FAM111A: variants seen among roughly 807,000 people sequenced by gnomAD.
FAM111A encodes serine protease FAM111A.
In FAM111A, 8 loss-of-function variants were observed where a neutral mutation model predicts 3.3. That is an observed-to-expected ratio of 2.39 (90% CI 1.40 to 4.32). FAM111A has a LOEUF of 4.32. FAM111A is among the 30% of genes most tolerant of loss of function. The probability of loss-of-function intolerance (pLI) is 0.00; values close to 1 mark genes in which losing one functional copy is unlikely to be tolerated. For synonymous variants in FAM111A, 227 were observed against 243.1 expected (o/e 0.93, Z 0.62); for missense variants, 683 against 727.6 (o/e 0.94, Z 0.71).
At chr11:59,151,307 C>T (rs993850998) in intron 5 of FAM111A, among the ~76,000 whole-genome samples, 2 of 152,146 alleles carry the variant, frequency 1.3e-5, no homozygotes, top group African/African-American at 4.8e-5. Flanking sequence ...TGTGCCACCA[C>T]ACCCAGCTAA....
chr11:59,146,061 A>G (rs909848607), intron 4 of FAM111A, among the ~76,000 whole-genome samples: 21 of 147,934 alleles, frequency 1.4e-4, no homozygotes, highest in African/African-American at 4.7e-4. Context: ...GTATATATAT[A>G]TTGTGTGTGT....
rs145826377 is a variant in FAM111A at position 59,152,599 on chromosome 11, A to G, written c.931A>G (p.Ile311Val). ...TTTGAAAAGAGAAAGTGAAAAAATC[A>G]TTGAAAACTTCAAGAAAAAAATGAA... ...PSLKRESEKI[I>V]ENFKKKMKVK... The change falls in exon 6 of 6, where the codon ATT (isoleucine) becomes GTT (valine). Residue 311 changes from isoleucine (I) to valine (V), a missense_variant. Around this residue, in one of 3 missense-constraint regions of FAM111A, gnomAD observed 557 missense variants for 600.2 expected, o/e 0.93. Coordinates refer to ENST00000675163, the MANE Select transcript of FAM111A (RefSeq NM_001312909.2). The G allele has an allele frequency of 2.5e-6, 4 of 1,613,876 alleles. No homozygotes were observed. The highest frequency in any genetic ancestry group is 2.7e-5 in the African/African-American group (2 of 74,922).
intron 4 of FAM111A, 42 bp from the exon 5 acceptor site, chr11:59,148,755 C>A: frequency 1.4e-6 from 1 of 697,566 alleles, no homozygotes; most frequent in Non-Finnish European, 2.5e-6. Context: ...AGATGGGACG[C>A]AGGACACCAG....
Position 59,151,867 on chromosome 11 carries a change from C to T in FAM111A, c.199C>T (p.Pro67Ser), listed in dbSNP as rs1861702860. The T allele has an allele frequency of 6.2e-7, 1 of 1,614,128 alleles. No individual in the cohort carries two copies. The highest frequency in any genetic ancestry group is 1.6e-4 in the Middle Eastern group (1 of 6,062). ...AQRFHSPKKN[P>S]EDQTMPQNRT... The stretch of plus-strand genomic sequence containing the variant: ...AAGATTCCATTCACCTAAGAAAAAT[C>T]CAGAAGACCAGACCATGCCCCAAAA... Residue 67 changes from proline to serine, a missense_variant, in exon 6 of 6, where the codon CCA (proline) becomes TCA (serine). Around this residue, in one of 3 missense-constraint regions of FAM111A, gnomAD observed 557 missense variants for 600.2 expected, o/e 0.93. Transcript: ENST00000675163.
At position 59,152,979 on chromosome 11, in the gene FAM111A, G is replaced by A; in HGVS notation, c.1311G>A (p.Glu437=). The A allele has an allele frequency of 6.2e-7, 1 of 1,614,096 alleles. No individual in the cohort carries two copies. Among genetic ancestry groups the A allele is most frequent in the Non-Finnish European group, 8.5e-7 (1 of 1,180,028 alleles). The change falls in exon 6 of 6, where the codon GAG becomes GAA. Residue 437 remains glutamate, a synonymous_variant. Transcript: ENST00000675163. ...VEPWFEIHNE[E]LDYAVLKLKE... is the part of the protein sequence containing the mutation. ...CTTGGTTTGAGATACATAATGAAGA[G>A]CTTGACTATGCTGTCCTGAAACTGA...
At chr11:59,149,718 C>G (rs1861414510) in intron 5 of FAM111A, among the ~76,000 whole-genome samples, 2 of 152,054 alleles carry the variant, frequency 1.3e-5, no homozygotes, top group African/African-American at 4.8e-5. Flanking sequence ...TTTGTTCTTA[C>G]CATAACCTTG....
intron 4 of FAM111A, among the ~76,000 whole-genome samples, chr11:59,148,028 A>G (rs989714834): frequency 1.3e-5 from 2 of 152,218 alleles, no homozygotes; most frequent in African/African-American, 2.4e-5. Context: ...CAAGGGCCTG[A>G]CATGTCTCAG....
chr11:59,144,149 A>G (rs949027551), intron 3 of FAM111A: 3 of 152,250 alleles, frequency 2.0e-5, no homozygotes, highest in Non-Finnish European at 4.4e-5. Flanking sequence ...CAAGAAACTT[A>G]GCTTTGTCTT....
chr11:59,153,587 A>G lies in FAM111A; in HGVS notation c.*83A>G, dbSNP rs1031433968. On this transcript the variant is annotated 3_prime_UTR_variant, in exon 6 of 6. Transcript: ENST00000675163. ...TGAAAATGGTTTTCTAAACTCCAAA[A>G]TGGTCATCTTATCAATAATAATAAT... is the stretch of plus-strand genomic sequence containing the variant. 8 of 1,005,610 alleles carry G rather than the reference A, an allele frequency of 8.0e-6. No individual in the cohort carries two copies. The highest frequency in any genetic ancestry group is 3.3e-5 in the African/African-American group (2 of 61,330). The allele number at this position is 1,005,610 out of a possible 1,614,324, so 62.3% of individuals were successfully genotyped here. A position where few individuals can be genotyped will look rare whatever the true frequency, so the allele number is the denominator to read the frequency against.
At chr11:59,147,739 A>G (rs1861117504) in intron 4 of FAM111A, among the ~76,000 whole-genome samples, 1 of 152,260 alleles carries the variant, frequency 6.6e-6, no homozygotes, top group African/African-American at 2.4e-5. Context: ...ATAGGTATGT[A>G]GAAGTTCATT....
Position 59,151,954 on chromosome 11 carries a change from C to G in FAM111A, c.286C>G (p.Leu96Val), listed in dbSNP as rs1590952177. 6.2e-7 allele frequency: 1 copy of G among 1,613,570 alleles called. No homozygotes were observed. Among genetic ancestry groups the G allele is most frequent in the Non-Finnish European group, 8.5e-7 (1 of 1,179,570 alleles). ...GAGAAACCAAGATATGAAACTTAAG[C>G]TCACACATAGTGAGAATAGTAGCTT... is the stretch of plus-strand genomic sequence containing the variant. ...HRRNQDMKLKLTHSENSSLYM... is the reference protein window; with the variant it reads ...HRRNQDMKLKVTHSENSSLYM... Residue 96 changes from leucine (L) to valine (V), a missense_variant, in exon 6 of 6, where the codon CTC becomes GTC. Coordinates refer to ENST00000675163, the MANE Select transcript of FAM111A (RefSeq NM_001312909.2).
In FAM111A at chr11:59,152,069, T is replaced by G; in HGVS notation, c.401T>G (p.Ile134Ser). 6.2e-7 allele frequency: 1 copy of G among 1,614,158 alleles called. No individual in the cohort carries two copies. Residue 134 changes from isoleucine (I) to serine (S), a missense_variant, in exon 6 of 6, where the codon ATC (isoleucine) becomes AGC (serine). Ile to Ser is a moderately radical substitution (Grantham distance 142). Coordinates refer to ENST00000675163, the MANE Select transcript of FAM111A (RefSeq NM_001312909.2). ...ATGCTTGTGCGTGGCACAGAAGGAA[T>G]CAAAGAGTACATAAACCTTGGAATG... ...QEMLVRGTEG[I>S]KEYINLGMPL... is the part of the protein sequence containing the mutation.
In FAM111A at chr11:59,148,957, T is replaced by C. The variant is rs565541701; in HGVS notation, c.81+4T>C. The C allele has an allele frequency of 4.4e-6, 7 of 1,602,130 alleles. No homozygotes were observed. Among genetic ancestry groups the C allele is most frequent in the African/African-American group, 2.7e-5 (2 of 74,786 alleles). On this transcript the variant is annotated splice_donor_region_variant and intron_variant, in intron 5 of 5. Transcript: ENST00000675163. ...AATCGAGCACTATTTTTCTCCGGTA[T>C]GTCTGTAAATTCTACTTATGTAATC... is the stretch of plus-strand genomic sequence containing the variant.
Position 59,153,501 on chromosome 11 carries a change from G to C in FAM111A, c.1833G>C (p.Leu611Phe). The change falls in exon 6 of 6, where the codon TTG becomes TTC. Residue 611 changes from leucine (L) to phenylalanine (F), a missense_variant. Physicochemically the swap from Leu to Phe is conservative, Grantham distance 22. Around this residue, in one of 3 missense-constraint regions of FAM111A, gnomAD observed 122 missense variants for 110.9 expected, o/e 1.10. Transcript: ENST00000675163. ...TAGAAATGATGAGTGATGAGGACTT[G>C]TGAGAATTCAGTCTACTGGATTTAA... Reference protein sequence around the residue: ...QDVEMMSDEDL With the variant: ...QDVEMMSDEDF 1 of 1,594,016 alleles carries C rather than the reference G, an allele frequency of 6.3e-7. No homozygotes were observed. Among genetic ancestry groups the C allele is most frequent in the Non-Finnish European group, 8.5e-7 (1 of 1,170,292 alleles).
Position 59,152,483 on chromosome 11 carries a change from T to C in FAM111A, c.815T>C (p.Met272Thr). ...RYFQVEVEKR[M>T]VPSAAASQNP... is the part of the protein sequence containing the mutation. Reference sequence around the variant, plus strand: ...TTTCAGGTTGAGGTTGAGAAAAGAATGGTCCCCAGTGCAGCAGCTTCTCAG... The same window carrying C: ...TTTCAGGTTGAGGTTGAGAAAAGAACGGTCCCCAGTGCAGCAGCTTCTCAG... Residue 272 changes from methionine (M) to threonine (T), a missense_variant, in exon 6 of 6, where the codon ATG becomes ACG. Around this residue, in one of 3 missense-constraint regions of FAM111A, gnomAD observed 557 missense variants for 600.2 expected, o/e 0.93. Coordinates refer to ENST00000675163, the MANE Select transcript of FAM111A (RefSeq NM_001312909.2). 1.2e-6 allele frequency: 2 copies of C among 1,614,100 alleles called. No homozygotes were observed. The highest frequency in any genetic ancestry group is 1.6e-4 in the Middle Eastern group (1 of 6,062).
rs879844922 is a variant in FAM111A at position 59,151,156 on chromosome 11, C to CT, written c.82-583dup. Among the ~76,000 whole-genome samples, 227 of 146,332 alleles carry CT rather than the reference C, an allele frequency of 1.6e-3. 1 individual carries two copies. Among genetic ancestry groups the CT allele is most frequent in the African/African-American group, 3.4e-3 (138 of 40,170 alleles). On this transcript the variant is annotated intron_variant, in intron 5 of 5. Transcript: ENST00000675163. ...TAAAACTATTTCAAATACTAGTGGA[C>CT]TTTTTTTTTTTGAGATGGAGTTTCA... is the stretch of plus-strand genomic sequence containing the variant.
Position 59,153,511 on chromosome 11 carries a change from A to G in FAM111A, c.*7A>G, listed in dbSNP as rs1157912898. 1 of 1,583,650 alleles carries G rather than the reference A, an allele frequency of 6.3e-7. No homozygotes were observed. Among genetic ancestry groups the G allele is most frequent in the South Asian group, 1.2e-5 (1 of 85,998 alleles). ...GAGTGATGAGGACTTGTGAGAATTC[A>G]GTCTACTGGATTTAAGGGAATGGCT... On this transcript the variant is annotated 3_prime_UTR_variant, in exon 6 of 6. Coordinates refer to ENST00000675163, the MANE Select transcript of FAM111A (RefSeq NM_001312909.2).
In FAM111A at chr11:59,153,177, TAAAA is replaced by T. The variant is rs762116864; in HGVS notation, c.1512_1515del (p.Lys505GlnfsTer18). On this transcript the variant is annotated frameshift_variant, in exon 6 of 6. Transcript: ENST00000675163. LOFTEE classifies it low-confidence loss of function (END_TRUNC). ...AGAAATGTCAGGAACGTGTTCAGTC[TAAAA>T]AAGCAGAAAGTCCAGAGTATGTCCA... The T allele has an allele frequency of 1.9e-6, 3 of 1,614,064 alleles. No individual in the cohort carries two copies. Among genetic ancestry groups the T allele is most frequent in the Non-Finnish European group, 2.5e-6 (3 of 1,180,038 alleles).
At chr11:59,149,153 G>A (rs1861325617) in intron 5 of FAM111A, 200 bp downstream of exon 5, 2 of 532,120 alleles carry the variant, frequency 3.8e-6, no homozygotes, top group East Asian at 6.2e-5. Flanking sequence ...CCTAATACAA[G>A]GTAAATGCTC....
Sources: gnomAD v4.1 joint callset for allele counts (sites outside exome capture counted in the v4.1 genomes callset) on GRCh38, gnomAD v4.1.1 for gene constraint, gnomAD v4.1.1 regional missense constraint, MANE v1.5 for transcripts, NCBI Gene and HGNC (gene_info 2026-07-23, HGNC 2026-07-21) for gene names.